The following SYT16 variants were observed in gnomAD, a reference collection of about 807,000 sequenced individuals.
The protein encoded by SYT16 is synaptotagmin-16.
A neutral mutation model predicts 61.4 loss-of-function variants in SYT16; 42 were observed. The observed-to-expected ratio is 0.68, with a 90% CI of 0.53 to 0.89. The LOEUF is 0.89. SYT16 is among the 40% of genes least tolerant of loss of function. The pLI is 0.00. For synonymous variants in SYT16, 314 were observed against 302.3 expected (o/e 1.04, Z -0.40); for missense variants, 804 against 807.3 (o/e 1.00, Z 0.05).
chr14:61,916,985 A>G (rs1027310195), intron 1 of SYT16, among the ~76,000 whole-genome samples: 17 of 152,146 alleles, frequency 1.1e-4, no homozygotes, highest in African/African-American at 2.4e-5. Context: ...TTATCCAGTC[A>G]TCTGTTGATA....
chr14:62,013,890 G>A (rs1212246036), intron 3 of SYT16, among the ~76,000 whole-genome samples: 1 of 152,022 alleles, frequency 6.6e-6, no homozygotes, highest in African/African-American at 2.4e-5. Flanking sequence ...CTTGAACCTG[G>A]GAGGCGGAGG....
chr14:61,959,049 CTAATA>C (rs1465346047), intron 1 of SYT16, among the ~76,000 whole-genome samples: 2 of 152,050 alleles, frequency 1.3e-5, no homozygotes, highest in African/African-American at 4.8e-5. Flanking sequence ...TCCATTTTGT[CTAATA>C]TGAGTATAGC....
chr14:61,876,096 G>A (rs1356604040), intron 1 of SYT16, among the ~76,000 whole-genome samples: 3 of 152,158 alleles, frequency 2.0e-5, no homozygotes, highest in Non-Finnish European at 4.4e-5. Flanking sequence ...GTGTGTGAGT[G>A]CGTGTTTACT....
intron 3 of SYT16, among the ~76,000 whole-genome samples, chr14:62,017,166 T>A (rs2053721539): frequency 6.6e-6 from 1 of 152,244 alleles, no homozygotes; most frequent in Non-Finnish European, 1.5e-5. Flanking sequence ...CATCAAATAC[T>A]GGTTTTATTA....
At chr14:61,963,021 C>T (rs574215545) in intron 1 of SYT16, among the ~76,000 whole-genome samples, 1 of 152,156 alleles carries the variant, frequency 6.6e-6, no homozygotes, top group East Asian at 1.9e-4. Flanking sequence ...ATTTCTAGAA[C>T]TGCAATAGTG....
At chr14:61,890,627 A>C (rs1021355558) in intron 1 of SYT16, among the ~76,000 whole-genome samples, 1 of 151,940 alleles carries the variant, frequency 6.6e-6, no homozygotes, top group African/African-American at 2.4e-5. Flanking sequence ...ATTTTTATAG[A>C]GTCTTGAAAT....
At chr14:61,849,161 A>G (rs1024530266) in intron 1 of SYT16, among the ~76,000 whole-genome samples, 2 of 152,002 alleles carry the variant, frequency 1.3e-5, no homozygotes, top group Admixed American at 6.6e-5. Flanking sequence ...GCCCTATCCT[A>G]TTGTAACTGA....
chr14:61,826,989 T>C (rs2045792656), intron 1 of SYT16, among the ~76,000 whole-genome samples: 1 of 151,986 alleles, frequency 6.6e-6, no homozygotes, highest in Non-Finnish European at 1.5e-5. Flanking sequence ...CCAGTTCCAT[T>C]AAATTAGAGT....
At chr14:62,026,195 T>G (rs1461367080) in intron 3 of SYT16, among the ~76,000 whole-genome samples, 1 of 152,190 alleles carries the variant, frequency 6.6e-6, no homozygotes, top group African/African-American at 2.4e-5. Flanking sequence ...TGGATCACAA[T>G]GAGTGGGGGG....
intron 3 of SYT16, among the ~76,000 whole-genome samples, chr14:62,035,470 G>A (rs1260887381): frequency 5.3e-5 from 8 of 152,084 alleles, no homozygotes; most frequent in African/African-American, 1.4e-4. Flanking sequence ...GATACAATAC[G>A]GGAAGAAAAT....
At chr14:61,882,251 TA>T (rs900384983) in intron 1 of SYT16, among the ~76,000 whole-genome samples, 48 of 152,134 alleles carry the variant, frequency 3.2e-4, no homozygotes, top group African/African-American at 6.5e-4. Context: ...ATTGCACTAT[TA>T]AAAAAAATTA....
At chr14:62,025,307 G>C (rs1396879443) in intron 3 of SYT16, among the ~76,000 whole-genome samples, 1 of 152,092 alleles carries the variant, frequency 6.6e-6, no homozygotes, top group African/African-American at 2.4e-5. Flanking sequence ...GTATGTAGTA[G>C]TGTCTTATTG....
chr14:62,052,967 G>T (rs1222099175), intron 3 of SYT16, among the ~76,000 whole-genome samples: 1 of 152,216 alleles, frequency 6.6e-6, no homozygotes, highest in African/African-American at 2.4e-5. Context: ...GTTCTGAGCA[G>T]TGGGGTGCTG....
chr14:61,867,151 C>T (rs1189648234), intron 1 of SYT16, among the ~76,000 whole-genome samples: 3 of 151,852 alleles, frequency 2.0e-5, no homozygotes, highest in Admixed American at 1.3e-4. Flanking sequence ...ATTACTGTAG[C>T]TTTATATATA....
At chr14:62,048,636 A>T (rs8019029) in intron 3 of SYT16, among the ~76,000 whole-genome samples, 10,521 of 152,188 alleles carry the variant, frequency 0.069, 470 homozygotes, top group East Asian at 0.12. Flanking sequence ...TTCCCTCTAC[A>T]CACTGCTTTG....
At chr14:62,017,606 G>A (rs1360042554) in intron 3 of SYT16, among the ~76,000 whole-genome samples, 1 of 152,072 alleles carries the variant, frequency 6.6e-6, no homozygotes, top group East Asian at 1.9e-4. Context: ...ATTCATGCAT[G>A]TAATCCATCA....
intron 1 of SYT16, among the ~76,000 whole-genome samples, chr14:61,948,379 G>T (rs1429972495): frequency 6.6e-6 from 1 of 151,708 alleles, no homozygotes; most frequent in African/African-American, 2.4e-5. Context: ...GAGAAATTAA[G>T]GAGGTGAAAA....
intron 1 of SYT16, among the ~76,000 whole-genome samples, chr14:61,969,398 G>A: frequency 6.6e-6 from 1 of 152,112 alleles, no homozygotes; most frequent in East Asian, 1.9e-4. Context: ...TGAATGCAAT[G>A]GCTGGGACTC....
At chr14:61,900,341 A>T (rs545335372) in intron 1 of SYT16, among the ~76,000 whole-genome samples, 2 of 152,202 alleles carry the variant, frequency 1.3e-5, no homozygotes, top group South Asian at 4.1e-4. Context: ...TATTTGTAGT[A>T]GAGACGGGGC....
Sources: gnomAD v4.1 joint callset for allele counts (sites outside exome capture counted in the v4.1 genomes callset) on GRCh38, gnomAD v4.1.1 for gene constraint, MANE v1.5 for transcripts, NCBI Gene and HGNC (gene_info 2026-07-23, HGNC 2026-07-21) for gene names.